Variants in PRKG1 observed in about 807,000 individuals in gnomAD.
PRKG1 encodes the protein cGMP-dependent protein kinase 1.
PRKG1 carries 35 observed loss-of-function variants against 88.1 expected under a neutral mutation model. That is an observed-to-expected ratio of 0.40 (90% CI 0.30 to 0.53). The LOEUF is 0.53. Ranked by LOEUF, PRKG1 falls within the 20% of genes least tolerant of loss-of-function variation. The pLI is 0.59. For synonymous variants in PRKG1, 303 were observed against 292.5 expected, an observed-to-expected ratio of 1.04 and a Z score of -0.37; for missense variants, 540 against 839.8, an observed-to-expected ratio of 0.64 and a Z score of 4.41.
intron 2 of PRKG1, among the ~76,000 whole-genome samples, chr10:51,241,835 C>T (rs1312924269): frequency 1.3e-5 from 2 of 151,990 alleles, no homozygotes; most frequent in South Asian, 4.1e-4. Flanking sequence ...ATGAAAACAC[C>T]CTTAAAAAAT....
At chr10:51,515,322 AT>A (rs1221452065) in intron 3 of PRKG1, among the ~76,000 whole-genome samples, 1 of 152,170 alleles carries the variant, frequency 6.6e-6, no homozygotes, top group East Asian at 1.9e-4. Flanking sequence ...TTATTCTCAA[AT>A]TTTAGGTGGA....
At chr10:51,667,967 CT>C (rs144189819) in intron 3 of PRKG1, among the ~76,000 whole-genome samples, 4,088 of 149,960 alleles carry the variant, frequency 0.027, 131 homozygotes, top group African/African-American at 0.082. Flanking sequence ...TTTTCCAGCT[CT>C]TTTTTTTTTC....
chr10:51,384,589 T>A (rs1289154300), intron 2 of PRKG1, among the ~76,000 whole-genome samples: 1 of 152,120 alleles, frequency 6.6e-6, no homozygotes, highest in Admixed American at 6.6e-5. Context: ...TAATAAACCC[T>A]CACCCACCCA....
At chr10:52,263,701 A>G (rs929629354) in intron 10 of PRKG1, among the ~76,000 whole-genome samples, 11 of 151,696 alleles carry the variant, frequency 7.3e-5, no homozygotes, top group Admixed American at 1.3e-4. Flanking sequence ...CATCCTCCCA[A>G]GTAGCTGGGA....
At chr10:51,719,156 A>AAAAAG (rs57226820) in intron 3 of PRKG1, among the ~76,000 whole-genome samples, 18 of 150,278 alleles carry the variant, frequency 1.2e-4, no homozygotes, top group African/African-American at 2.9e-4. Flanking sequence ...TCTCAAAAAA[A>AAAAAG]AGAGAGAGAG....
At chr10:51,978,997 T>C (rs1419149034) in intron 5 of PRKG1, among the ~76,000 whole-genome samples, 1 of 152,094 alleles carries the variant, frequency 6.6e-6, no homozygotes, top group Non-Finnish European at 1.5e-5. Flanking sequence ...TGATATTATG[T>C]TGAATTGGAG....
chr10:51,092,007 C>T (rs947722097), intron 1 of PRKG1, among the ~76,000 whole-genome samples: 2 of 152,102 alleles, frequency 1.3e-5, no homozygotes, highest in African/African-American at 4.8e-5. Context: ...CTATTTTCTT[C>T]AGCACTAAGA....
At chr10:51,810,670 A>C (rs937741722) in intron 4 of PRKG1, among the ~76,000 whole-genome samples, 1 of 152,080 alleles carries the variant, frequency 6.6e-6, no homozygotes, top group Non-Finnish European at 1.5e-5. Flanking sequence ...TGTGCTACCT[A>C]TTTATATATA....
intron 5 of PRKG1, among the ~76,000 whole-genome samples, chr10:52,009,288 C>T (rs1208130309): frequency 6.6e-6 from 1 of 151,998 alleles, no homozygotes; most frequent in Non-Finnish European, 1.5e-5. Flanking sequence ...GTTTCTGCCC[C>T]AAAGGTCCTT....
At chr10:51,225,609 T>A (rs911565128) in intron 2 of PRKG1, among the ~76,000 whole-genome samples, 1 of 152,150 alleles carries the variant, frequency 6.6e-6, no homozygotes, top group African/African-American at 2.4e-5. Context: ...AGTAGAAAAT[T>A]ATGTTTTCTT....
intron 2 of PRKG1, among the ~76,000 whole-genome samples, chr10:51,419,185 G>T (rs1838334430): frequency 6.6e-6 from 1 of 151,972 alleles, no homozygotes; most frequent in South Asian, 2.1e-4. Context: ...ATATATTTGG[G>T]ACTTAAAGTT....
At chr10:51,737,107 C>A (rs1837299485) in intron 3 of PRKG1, among the ~76,000 whole-genome samples, 1 of 152,144 alleles carries the variant, frequency 6.6e-6, no homozygotes. Context: ...AGCCTAAAAA[C>A]CACCACAAAT....
At chr10:51,211,200 A>T (rs1206484776) in intron 2 of PRKG1, among the ~76,000 whole-genome samples, 4 of 152,156 alleles carry the variant, frequency 2.6e-5, no homozygotes, top group Non-Finnish European at 4.4e-5. Flanking sequence ...TATAAACAGA[A>T]CCAACGACAA....
intron 2 of PRKG1, among the ~76,000 whole-genome samples, chr10:51,184,139 A>T (rs1029539987): frequency 6.6e-6 from 1 of 152,224 alleles, no homozygotes; most frequent in South Asian, 2.1e-4. Flanking sequence ...AACTCATATG[A>T]CATCTTTACT....
intron 9 of PRKG1, among the ~76,000 whole-genome samples, chr10:52,225,076 G>C (rs992588596): frequency 6.6e-6 from 1 of 151,844 alleles, no homozygotes; most frequent in Non-Finnish European, 1.5e-5. Flanking sequence ...TTCCATAGTG[G>C]CCGTACTAGT....
intron 4 of PRKG1, among the ~76,000 whole-genome samples, chr10:51,903,127 C>G (rs1842015812): frequency 6.6e-6 from 1 of 152,028 alleles, no homozygotes; most frequent in African/African-American, 2.4e-5. Flanking sequence ...AATGGGACAT[C>G]TACTAATACA....
At chr10:51,503,808 AAT>A (rs1424147933) in intron 3 of PRKG1, among the ~76,000 whole-genome samples, 1 of 152,156 alleles carries the variant, frequency 6.6e-6, no homozygotes, top group African/African-American at 2.4e-5. Flanking sequence ...AAAAATAGGA[AAT>A]CTTGAAAGAG....
rs188878732 is a variant in PRKG1 at position 51,648,742 on chromosome 10, A to G, written c.593-155843A>G. On this transcript the variant is annotated intron_variant, in intron 3 of 17. Transcript: ENST00000373980. Reference sequence around the variant, plus strand: ...ACGTTTAATATTCAATTACGGAAACATATGTCACTTTAATGTCTAAACTTC... The same window carrying G: ...ACGTTTAATATTCAATTACGGAAACGTATGTCACTTTAATGTCTAAACTTC... Among the ~76,000 whole-genome samples, 22 of 152,294 alleles carry G rather than the reference A, an allele frequency of 1.4e-4. 1 individual carries two copies. The East Asian group carries it at 4.3e-3, about 29-fold the overall frequency.
intron 2 of PRKG1, among the ~76,000 whole-genome samples, chr10:51,335,257 C>G (rs1337260560): frequency 1.3e-5 from 2 of 151,952 alleles, no homozygotes; most frequent in African/African-American, 2.4e-5. Flanking sequence ...AAACCTCTGT[C>G]TAAATCTGTA....
Sources: allele counts gnomAD v4.1 joint callset (sites outside exome capture counted in the v4.1 genomes callset), GRCh38; gene constraint gnomAD v4.1.1; transcripts MANE v1.5; gene names NCBI Gene and HGNC (gene_info 2026-07-23, HGNC 2026-07-21).